Variants in CACUL1 observed in about 807,000 individuals in gnomAD.
CACUL1 encodes the protein CDK2 associated cullin domain 1.
A neutral mutation model predicts 45.2 loss-of-function variants in CACUL1; 13 were observed. That is an observed-to-expected ratio of 0.29 (90% CI 0.19 to 0.46). The LOEUF (loss-of-function observed/expected upper bound fraction) is 0.46. Ranked by LOEUF, CACUL1 falls within the 20% of genes least tolerant of loss-of-function variation. The pLI, the probability that CACUL1 is intolerant of heterozygous loss-of-function variation, is 1.00. For synonymous variants in CACUL1, 197 were observed against 174.2 expected (o/e 1.13, Z -1.03); for missense variants, 421 against 471.4 (o/e 0.89, Z 0.99).
rs1056028175 is a variant in CACUL1 at position 118,683,895 on chromosome 10, T to G, written c.*2233A>C. On this transcript the variant is annotated 3_prime_UTR_variant, in exon 9 of 9. Transcript: ENST00000369151. ...GATGTGCCTCAAGGGGCCAAGATGA[T>G]TAACAGCCAGGACATGTAGACTGGG... is the stretch of plus-strand genomic sequence containing the variant. The G allele has an allele frequency of 6.6e-6, 1 of 152,204 alleles. No homozygotes were observed. The highest frequency in any genetic ancestry group is 1.5e-5 in the Non-Finnish European group (1 of 68,030). 9.4% of individuals were successfully genotyped at this position (152,204 alleles called of 1,614,324 possible).
chr10:118,700,268 T>C (rs573934097), intron 5 of CACUL1, among the ~76,000 whole-genome samples: 1 of 152,248 alleles, frequency 6.6e-6, no homozygotes, highest in South Asian at 2.1e-4. Context: ...AAAAAATGAC[T>C]TGATGTGTCA....
chr10:118,754,496 C>T lies in CACUL1; in HGVS notation c.267G>A (p.Met89Ile), dbSNP rs1407479226. 3.1e-6 allele frequency: 5 copies of T among 1,613,176 alleles called. No individual in the cohort carries two copies. In the African/African-American group the frequency reaches 6.7e-5, roughly 22 times the overall value. Residue 89 changes from methionine (M) to isoleucine (I), a missense_variant, in exon 1 of 9, where the codon ATG (methionine) becomes ATA (isoleucine). Met to Ile is a conservative substitution (Grantham distance 10). This residue lies in a region of CACUL1 where 213 missense variants were observed against 173.1 expected (regional missense o/e 1.23). Transcript: ENST00000369151. The stretch of plus-strand genomic sequence containing the variant: ...CGGCCGCGTCGCAGCTCTTCAACAT[C>T]ATGATCACCCCATTAGCCTCCGGCG... ...QPPPEANGVI[M>I]MLKSCDAAAA...
chr10:118,689,728 T>C (rs994179490), intron 7 of CACUL1, among the ~76,000 whole-genome samples: 1 of 152,208 alleles, frequency 6.6e-6, no homozygotes, highest in Non-Finnish European at 1.5e-5. Flanking sequence ...TGTTCTCTTA[T>C]TCCAGTACCA....
At chr10:118,726,334 A>G (rs1386658477) in intron 3 of CACUL1, 1 of 1,288,112 alleles carries the variant, frequency 7.8e-7, no homozygotes, top group South Asian at 1.2e-5. Flanking sequence ...TACTCTTTCC[A>G]TTAGTACAGG....
intron 6 of CACUL1, chr10:118,692,448 T>C (rs1250460481): frequency 1.3e-5 from 2 of 152,076 alleles, no homozygotes; most frequent in Non-Finnish European, 2.9e-5. Context: ...CCTATAATAA[T>C]AGAAACAGAA....
At chr10:118,714,607 A>G (rs1215525498) in intron 3 of CACUL1, among the ~76,000 whole-genome samples, 3 of 152,228 alleles carry the variant, frequency 2.0e-5, no homozygotes, top group African/African-American at 4.8e-5. Flanking sequence ...GTAGTTTGTC[A>G]GTCTTTTTTT....
At chr10:118,693,880 A>C (rs1188946919) in intron 6 of CACUL1, 1 of 393,684 alleles carries the variant, frequency 2.5e-6, no homozygotes, top group East Asian at 7.1e-5. Flanking sequence ...AATAAATTTG[A>C]ATACTCTAGA....
chr10:118,740,818 C>T (rs1339829928), intron 1 of CACUL1, among the ~76,000 whole-genome samples: 19 of 150,820 alleles, frequency 1.3e-4, no homozygotes, highest in Admixed American at 1.3e-3. Flanking sequence ...CCTAGCTACT[C>T]AGGAGGCTGA....
At chr10:118,750,398 G>C (rs528394192) in intron 1 of CACUL1, among the ~76,000 whole-genome samples, 1 of 152,208 alleles carries the variant, frequency 6.6e-6, no homozygotes, top group Non-Finnish European at 1.5e-5. Context: ...AAAGAGATGA[G>C]TCTTGGAGCA....
In CACUL1 at chr10:118,683,983, C is replaced by A. The variant is rs952650757; in HGVS notation, c.*2145G>T. ...AGGTTTTGTTGTATTAAGAGCTGAC[C>A]CATAGCCAGCTGCAGTCACTGTGCA... On this transcript the variant is annotated 3_prime_UTR_variant, in exon 9 of 9. Transcript: ENST00000369151. 2 of 152,432 alleles carry A rather than the reference C, an allele frequency of 1.3e-5. No homozygotes were observed. Among genetic ancestry groups the A allele is most frequent in the Non-Finnish European group, 2.9e-5 (2 of 68,010 alleles). 9.4% of individuals were successfully genotyped at this position (152,432 alleles called of 1,614,324 possible).
intron 3 of CACUL1, among the ~76,000 whole-genome samples, chr10:118,715,987 A>G (rs1845539724): frequency 6.6e-6 from 1 of 152,240 alleles, no homozygotes; most frequent in Admixed American, 6.5e-5. Context: ...CTGTAATCCC[A>G]GCACTTTGGG....
At chr10:118,723,104 AGTCTTT>A (rs1335783743) in intron 3 of CACUL1, among the ~76,000 whole-genome samples, 2 of 151,498 alleles carry the variant, frequency 1.3e-5, no homozygotes, top group Non-Finnish European at 2.9e-5. Flanking sequence ...TGTAGTGCTT[AGTCTTT>A]AACATTTCAC....
chr10:118,730,144 T>C, intron 2 of CACUL1, 140 bp downstream of exon 2: 1 of 944,988 alleles, frequency 1.1e-6, no homozygotes, highest in South Asian at 1.8e-5. Flanking sequence ...AACCCTCCAA[T>C]CCGTAAGTGT....
At chr10:118,735,488 G>A (rs1305850309) in intron 1 of CACUL1, among the ~76,000 whole-genome samples, 1 of 152,306 alleles carries the variant, frequency 6.6e-6, no homozygotes, top group East Asian at 1.9e-4. Flanking sequence ...AAATTCTAGG[G>A]GTGGGTGGAA....
intron 3 of CACUL1, among the ~76,000 whole-genome samples, chr10:118,728,488 A>T (rs1845672178): frequency 6.6e-6 from 1 of 151,894 alleles, no homozygotes; most frequent in Admixed American, 6.6e-5. Flanking sequence ...ACGGGGTTTC[A>T]CCATGTTGGC....
intron 3 of CACUL1, among the ~76,000 whole-genome samples, chr10:118,726,899 C>T (rs1038796988): frequency 6.6e-6 from 1 of 152,020 alleles, no homozygotes; most frequent in African/African-American, 2.4e-5. Flanking sequence ...GGAAACAGAG[C>T]CCTGGATCCC....
Position 118,754,599 on chromosome 10 carries a change from C to T in CACUL1, c.164G>A (p.Gly55Glu). Reference protein sequence around the residue: ...IPAPAREPPGGQLLAVPAVSV... With the variant: ...IPAPAREPPGEQLLAVPAVSV... ...GACCGCGGGCACCGCCAGCAGCTGC[C>T]CCCCCGGAGGCTCTCGGGCAGGGGC... Residue 55 changes from glycine to glutamate, a missense_variant, in exon 1 of 9, where the codon GGG becomes GAG. Physicochemically the swap from Gly to Glu is moderately conservative, Grantham distance 98. This residue lies in a region of CACUL1 where 213 missense variants were observed against 173.1 expected (regional missense o/e 1.23). Transcript: ENST00000369151. 1 of 1,608,974 alleles carries T rather than the reference C, an allele frequency of 6.2e-7. No individual in the cohort carries two copies. Among genetic ancestry groups the T allele is most frequent in the South Asian group, 1.1e-5 (1 of 90,716 alleles).
chr10:118,710,350 T>C (rs1377829225), intron 3 of CACUL1, among the ~76,000 whole-genome samples: 4 of 152,206 alleles, frequency 2.6e-5, no homozygotes, highest in Non-Finnish European at 5.9e-5. Context: ...ACCCAAGACC[T>C]ACAACTCAAA....
chr10:118,704,214 G>GAA (rs563822145), intron 4 of CACUL1, among the ~76,000 whole-genome samples: 3 of 129,692 alleles, frequency 2.3e-5, no homozygotes, highest in Non-Finnish European at 3.3e-5. Flanking sequence ...CATCGCTACT[G>GAA]AAAAAAAAAA....
Sources: allele counts gnomAD v4.1 joint callset (sites outside exome capture counted in the v4.1 genomes callset), GRCh38; gene constraint gnomAD v4.1.1; regional missense constraint gnomAD v4.1.1; transcripts MANE v1.5; gene names NCBI Gene and HGNC (gene_info 2026-07-23, HGNC 2026-07-21).